Variants in PCDHGA4 observed in about 807,000 individuals in gnomAD.
The protein encoded by PCDHGA4 is protocadherin gamma-A4.
PCDHGA4 carries 38 observed loss-of-function variants against 54.6 expected under a neutral mutation model. The ratio of observed to expected loss-of-function variants is 0.70; its 90% CI spans 0.54 to 0.91. PCDHGA4 has a LOEUF of 0.91. Among genes scored for constraint, PCDHGA4 ranks in the 40% least tolerant of loss-of-function variants. PCDHGA4 has a pLI of 0.00. For synonymous variants in PCDHGA4, 511 were observed against 512.9 expected, an observed-to-expected ratio of 1.00 and a Z score of 0.05; for missense variants, 1,298 against 1,220.9, an observed-to-expected ratio of 1.06 and a Z score of -0.94.
At chr5:141,393,592 G>A (rs200863279) in intron 1 of PCDHGA4, 127 of 1,613,790 alleles carry the variant, frequency 7.9e-5, no homozygotes, top group Non-Finnish European at 1.0e-4. Context: ...CCAGGCACGC[G>A]GCTGCTTACT....
rs544860780 is a variant in PCDHGA4 at position 141,406,543 on chromosome 5, C to G, written c.2514+48922C>G. On this transcript the variant is annotated intron_variant, in intron 1 of 3. Transcript: ENST00000571252. ...AGATATTTTCTGACGAAGATTCAAA[C>G]TTCAGTTATCCACTTCCAAACCCTA... is the stretch of plus-strand genomic sequence containing the variant. Among the ~76,000 whole-genome samples, 16 of 152,288 alleles carry G rather than the reference C, an allele frequency of 1.1e-4. 1 individual carries two copies. The South Asian group carries it at 2.9e-3, about 28-fold the overall frequency.
At chr5:141,427,934 G>A (rs746648152) in intron 1 of PCDHGA4, 42 of 1,584,338 alleles carry the variant, frequency 2.7e-5, no homozygotes, top group Non-Finnish European at 3.6e-5. Context: ...GCATGTTGGT[G>A]GGCGACCTCA....
intron 1 of PCDHGA4, chr5:141,415,388 G>A (rs752789407): frequency 1.2e-6 from 2 of 1,614,236 alleles, no homozygotes; most frequent in Non-Finnish European, 1.7e-6. Context: ...GGCTTGACAG[G>A]TGTGTCCGGC....
chr5:141,388,826 CAT>C, intron 1 of PCDHGA4: 1 of 1,613,864 alleles, frequency 6.2e-7, no homozygotes, highest in Non-Finnish European at 8.5e-7. Flanking sequence ...AAGAATATTC[CAT>C]AGTTTTGGAA....
At chr5:141,408,884 A>G (rs755835568) in intron 1 of PCDHGA4, 2 of 1,613,384 alleles carry the variant, frequency 1.2e-6, no homozygotes, top group Non-Finnish European at 1.7e-6. Context: ...CACCGCTCAC[A>G]TAGAAATTTC....
chr5:141,413,739 C>A (rs748041372), intron 1 of PCDHGA4: 1 of 1,613,424 alleles, frequency 6.2e-7, no homozygotes, highest in South Asian at 1.1e-5. Context: ...GAGTTCAGAG[C>A]CGTGCCAATG....
Position 141,491,329 on chromosome 5 carries a change from G to A in PCDHGA4, c.2515-3478G>A. The A allele has an allele frequency of 6.2e-7, 1 of 1,614,142 alleles. No individual in the cohort carries two copies. Among genetic ancestry groups the A allele is most frequent in the Non-Finnish European group, 8.5e-7 (1 of 1,180,022 alleles). On this transcript the variant is annotated intron_variant, in intron 1 of 3. Coordinates refer to ENST00000571252, the MANE Select transcript of PCDHGA4 (RefSeq NM_018917.4). The surrounding 1 kb of genome is among the most constrained non-coding windows in gnomAD (Gnocchi z 6.9). ...AGACCTTACCCTTTACCTCATTGTG[G>A]CTCTAGCGACCGTCAGTCTCTTATC...
chr5:141,394,624 T>A (rs542816387), intron 1 of PCDHGA4: 6 of 1,612,992 alleles, frequency 3.7e-6, no homozygotes, highest in Non-Finnish European at 5.1e-6. Flanking sequence ...AACGCCTGGC[T>A]GTCCTACCGC....
chr5:141,485,431 C>G lies in PCDHGA4; in HGVS notation c.2515-9376C>G, dbSNP rs1594481071. ...ATTTGGACAGCGGAGCCCTGCTCAT[C>G]AAGAACCCAATCGACCGAGAGGCAC... On this transcript the variant is annotated intron_variant, in intron 1 of 3. Coordinates refer to ENST00000571252, the MANE Select transcript of PCDHGA4 (RefSeq NM_018917.4). The surrounding 1 kb of genome is among the most constrained non-coding windows in gnomAD (Gnocchi z 5.7). 8.7e-6 allele frequency: 14 copies of G among 1,614,198 alleles called. No homozygotes were observed. Among genetic ancestry groups the G allele is most frequent in the Non-Finnish European group, 1.1e-5 (13 of 1,180,038 alleles).
intron 1 of PCDHGA4, chr5:141,433,074 A>C: frequency 6.2e-7 from 1 of 1,614,218 alleles, no homozygotes; most frequent in East Asian, 2.2e-5. Flanking sequence ...ATCTTCCCCC[A>C]GCCCAACTAT....
At chr5:141,363,263 C>T (rs933065042) in intron 1 of PCDHGA4, among the ~76,000 whole-genome samples, 3 of 152,278 alleles carry the variant, frequency 2.0e-5, no homozygotes, top group South Asian at 2.1e-4. Context: ...TTACTTAAAA[C>T]TTTGCTTTTG....
rs11953770 is a variant in PCDHGA4 at position 141,510,741 on chromosome 5, C to T, written c.2663-206C>T. On this transcript the variant is annotated intron_variant, in intron 3 of 3. Coordinates refer to ENST00000571252, the MANE Select transcript of PCDHGA4 (RefSeq NM_018917.4). ...TAAGGAAAGGAGCTAGGAATCAAACCTAGACTTTCTCACTCCAGAGCCTCT... is the reference window on the plus strand; with the variant it reads ...TAAGGAAAGGAGCTAGGAATCAAACTTAGACTTTCTCACTCCAGAGCCTCT... Among the ~76,000 whole-genome samples the T allele has an allele frequency of 2.6e-5, 4 of 152,138 alleles. No homozygotes were observed. In the South Asian group the frequency reaches 8.3e-4, roughly 32 times the overall value.
chr5:141,455,660 G>A (rs1485792613), intron 1 of PCDHGA4, among the ~76,000 whole-genome samples: 1 of 152,134 alleles, frequency 6.6e-6, no homozygotes, highest in Non-Finnish European at 1.5e-5. Flanking sequence ...CCAGGAACTT[G>A]TGGGGCAAGG....
intron 1 of PCDHGA4, chr5:141,423,923 G>C: frequency 8.0e-7 from 1 of 1,254,744 alleles, no homozygotes; most frequent in Non-Finnish European, 1.0e-6. Flanking sequence ...CAACTATGCT[G>C]GTTTGGTTTG....
chr5:141,429,488 T>TA (rs748742046), intron 1 of PCDHGA4, among the ~76,000 whole-genome samples: 13 of 152,096 alleles, frequency 8.5e-5, no homozygotes, highest in Non-Finnish European at 1.6e-4. Flanking sequence ...TAGCTGAGAC[T>TA]ACAGTTGCCT....
chr5:141,381,823 CTTCT>C (rs1777510060), intron 1 of PCDHGA4, among the ~76,000 whole-genome samples: 4 of 101,610 alleles, frequency 3.9e-5, no homozygotes, highest in African/African-American at 4.3e-5. Flanking sequence ...TTTCTTTCTT[CTTCT>C]TTTTTTTTTT....
At chr5:141,405,047 G>A in intron 1 of PCDHGA4, 4 of 1,613,944 alleles carry the variant, frequency 2.5e-6, no homozygotes, top group Non-Finnish European at 2.5e-6. Context: ...GGCTGTGGCA[G>A]TCGTCTCCTG....
Position 141,432,878 on chromosome 5 carries a change from TTCGTCA to T in PCDHGA4, c.2515-61926_2515-61921del. 6.2e-7 allele frequency: 1 copy of T among 1,614,178 alleles called. No individual in the cohort carries two copies. The highest frequency in any genetic ancestry group is 1.7e-5 in the Admixed American group (1 of 60,036). Reference sequence around the variant, plus strand: ...CGCGGTCTCCTGCGTCTTCCTGGCCTTCGTCATCTTGCTGCTGGCGCTCAGGCTGCG... The same window carrying T: ...CGCGGTCTCCTGCGTCTTCCTGGCCTTCTTGCTGCTGGCGCTCAGGCTGCG... On this transcript the variant is annotated intron_variant, in intron 1 of 3. Transcript: ENST00000571252. This position sits in a 1 kb window ranked among gnomAD's most constrained non-coding sequence, Gnocchi z 6.0.
At chr5:141,398,416 G>A (rs2093654818) in intron 1 of PCDHGA4, 3 of 1,496,580 alleles carry the variant, frequency 2.0e-6, no homozygotes, top group South Asian at 1.1e-5. Flanking sequence ...GGAGATATGC[G>A]GGAAGAAGCC....
Sources: gnomAD v4.1 joint callset for allele counts (sites outside exome capture counted in the v4.1 genomes callset) on GRCh38, gnomAD v4.1.1 for gene constraint, Gnocchi (gnomAD v3.1) non-coding constraint, MANE v1.5 for transcripts, NCBI Gene and HGNC (gene_info 2026-07-23, HGNC 2026-07-21) for gene names.